RPH3AL: variants seen among roughly 807,000 people sequenced by gnomAD.
RPH3AL encodes the protein rabphilin 3A like (without C2 domains), also known as rab effector Noc2.
In RPH3AL, 38 loss-of-function variants were observed where a neutral mutation model predicts 43.1. That is an observed-to-expected ratio of 0.88 (90% CI 0.68 to 1.15). The LOEUF (loss-of-function observed/expected upper bound fraction) is 1.15, where lower values mean the gene tolerates loss of function less well. Among genes scored for constraint, RPH3AL ranks in the 50% most tolerant of loss-of-function variants. RPH3AL has a pLI of 0.00. For synonymous variants in RPH3AL, 189 were observed against 176.3 expected (o/e 1.07, Z -0.57); for missense variants, 462 against 423.2 (o/e 1.09, Z -0.81).
chr17:305,429 G>A (rs945729820), intron 5 of RPH3AL, among the ~76,000 whole-genome samples: 1 of 152,044 alleles, frequency 6.6e-6, no homozygotes, highest in African/African-American at 2.4e-5. Context: ...ACTCCACCCT[G>A]GAGGCCCAGC....
chr17:321,897 G>A (rs1598129063), intron 3 of RPH3AL, among the ~76,000 whole-genome samples: 3 of 152,238 alleles, frequency 2.0e-5, no homozygotes, highest in Admixed American at 1.3e-4. Flanking sequence ...AGAAGGCCAA[G>A]GTCACAGCAC....
chr17:307,233 CCA>C (rs1555568496), intron 5 of RPH3AL, among the ~76,000 whole-genome samples: 18 of 51,662 alleles, frequency 3.5e-4, no homozygotes, highest in East Asian at 2.0e-3. Context: ...CAGGTCCATC[CCA>C]CGGCAGGTCC....
intron 7 of RPH3AL, among the ~76,000 whole-genome samples, chr17:220,362 A>C (rs1377397590): frequency 2.7e-5 from 4 of 149,014 alleles, no homozygotes; most frequent in African/African-American, 9.9e-5. Flanking sequence ...AGACCCAAGC[A>C]CATCAGCTCT....
chr17:240,700 G>A (rs1215668400), intron 7 of RPH3AL, among the ~76,000 whole-genome samples: 1 of 152,144 alleles, frequency 6.6e-6, no homozygotes, highest in African/African-American at 2.4e-5. Context: ...GCTGATGGAC[G>A]TATGAGTTGT....
At chr17:258,629 G>C (rs12452527) in intron 6 of RPH3AL, among the ~76,000 whole-genome samples, 1 of 151,660 alleles carries the variant, frequency 6.6e-6, no homozygotes, top group Non-Finnish European at 1.5e-5. Flanking sequence ...GCAAAAATCC[G>C]TCTCCCACCC....
intron 6 of RPH3AL, among the ~76,000 whole-genome samples, chr17:262,501 A>C (rs978413482): frequency 6.7e-6 from 1 of 149,350 alleles, no homozygotes; most frequent in Non-Finnish European, 1.5e-5. Context: ...GGCGTGAGCC[A>C]CCGCACCCGG....
rs930870636 is a variant in RPH3AL at position 213,526 on chromosome 17, C to A, written c.*326G>T. ...CCACCGGGCGGCCCCTCTGACACTGCATGTGGGAAACCCCCCAGCCCAACC... is the reference window on the plus strand; with the variant it reads ...CCACCGGGCGGCCCCTCTGACACTGAATGTGGGAAACCCCCCAGCCCAACC... On this transcript the variant is annotated 3_prime_UTR_variant, in exon 10 of 10. Transcript: ENST00000331302. 13 of 458,154 alleles carry A rather than the reference C, an allele frequency of 2.8e-5. No homozygotes were observed. The Admixed American group carries it at 3.3e-4, about 12-fold the overall frequency. The allele number at this position is 458,154 out of a possible 1,614,324, so 28.4% of individuals were successfully genotyped here.
rs368959148 is a variant in RPH3AL at position 307,285 on chromosome 17, G to C, written c.351+12135C>G. Among the ~76,000 whole-genome samples the C allele has an allele frequency of 6.9e-5, 7 of 101,310 alleles. 1 individual carries two copies. Among genetic ancestry groups the C allele is most frequent in the African/African-American group, 3.1e-4 (7 of 22,926 alleles). 66.5% of individuals were successfully genotyped at this position (101,310 alleles called of 152,430 possible). A position where few individuals can be genotyped will look rare whatever the true frequency, so the allele number is the denominator to read the frequency against. On this transcript the variant is annotated intron_variant, in intron 5 of 9. Coordinates refer to ENST00000331302, the MANE Select transcript of RPH3AL (RefSeq NM_006987.4). ...CCATCCCACGGCAGGTCCATCCCGCGGCAGGTCCATCCCACGGCAGGTCCT... is the reference window on the plus strand; with the variant it reads ...CCATCCCACGGCAGGTCCATCCCGCCGCAGGTCCATCCCACGGCAGGTCCT...
At chr17:280,872 T>G (rs375541631) in intron 6 of RPH3AL, among the ~76,000 whole-genome samples, 1 of 152,142 alleles carries the variant, frequency 6.6e-6, no homozygotes, top group African/African-American at 2.4e-5. Context: ...TTCAAAGACA[T>G]CATGGCTGAG....
chr17:338,594 G>A (rs1435621207), intron 1 of RPH3AL: 1 of 152,216 alleles, frequency 6.6e-6, no homozygotes, highest in Non-Finnish European at 1.5e-5. Flanking sequence ...TCTCTGCCCA[G>A]AAAATGCCCA....
chr17:320,833 G>A (rs988839809), intron 4 of RPH3AL, among the ~76,000 whole-genome samples: 3 of 152,218 alleles, frequency 2.0e-5, no homozygotes, highest in East Asian at 1.9e-4. Context: ...AGCTGTGGTC[G>A]GCGCTGGAGG....
At chr17:338,268 C>A (rs995279102) in intron 1 of RPH3AL, among the ~76,000 whole-genome samples, 1 of 152,048 alleles carries the variant, frequency 6.6e-6, no homozygotes, top group Non-Finnish European at 1.5e-5. Context: ...TCGAGACCAG[C>A]CTGGGCAACA....
intron 7 of RPH3AL, among the ~76,000 whole-genome samples, chr17:221,981 C>T (rs1239867180): frequency 8.1e-6 from 1 of 122,752 alleles, no homozygotes; most frequent in Non-Finnish European, 1.7e-5. Context: ...TAGACCCAAG[C>T]GCATCAGCTC....
At chr17:247,410 C>G in intron 6 of RPH3AL, 125 bp from the exon 7 acceptor site, 1 of 962,268 alleles carries the variant, frequency 1.0e-6, no homozygotes, top group African/African-American at 1.7e-5. Flanking sequence ...GGAACTCTGG[C>G]TCTGCCCTCC....
At chr17:298,090 G>T (rs1376744319) in intron 5 of RPH3AL, among the ~76,000 whole-genome samples, 1 of 151,984 alleles carries the variant, frequency 6.6e-6, no homozygotes, top group East Asian at 1.9e-4. Context: ...CTCACACCTG[G>T]CAAACTTCTA....
chr17:253,334 G>A (rs1040222965), intron 6 of RPH3AL, among the ~76,000 whole-genome samples: 7 of 152,192 alleles, frequency 4.6e-5, no homozygotes, highest in Middle Eastern at 3.4e-3. Flanking sequence ...CATCTCTGTC[G>A]TGAGTCTTCA....
At chr17:272,633 A>G (rs1007994714) in intron 6 of RPH3AL, among the ~76,000 whole-genome samples, 1 of 147,968 alleles carries the variant, frequency 6.8e-6, no homozygotes, top group South Asian at 2.3e-4. Flanking sequence ...GAGGGATAGC[A>G]TTAGGAGATA....
rs1402307008 is a variant in RPH3AL at position 290,817 on chromosome 17, C to T, written c.352-8963G>A. 2.0e-5 allele frequency among the ~76,000 whole-genome samples: 3 copies of T among 152,192 alleles called. No homozygotes were observed. The highest frequency in any genetic ancestry group is 4.4e-5 in the Non-Finnish European group (3 of 68,022). ...AGACGCCGCCATCTCACAGCACCCG[C>T]GGTCTGGAGTCAGTCACTGGCAGCC... On this transcript the variant is annotated intron_variant, in intron 5 of 9. Coordinates refer to ENST00000331302, the MANE Select transcript of RPH3AL (RefSeq NM_006987.4). This position sits in a 1 kb window ranked among gnomAD's most constrained non-coding sequence, Gnocchi z 4.2.
At chr17:243,467 A>G (rs1371204509) in intron 7 of RPH3AL, among the ~76,000 whole-genome samples, 1 of 128,314 alleles carries the variant, frequency 7.8e-6, no homozygotes, top group African/African-American at 3.1e-5. Context: ...ACCTTCCTCT[A>G]TTGACTACCT....
Sources: gnomAD v4.1 joint callset for allele counts (sites outside exome capture counted in the v4.1 genomes callset) on GRCh38, gnomAD v4.1.1 for gene constraint, Gnocchi (gnomAD v3.1) non-coding constraint, MANE v1.5 for transcripts, NCBI Gene and HGNC (gene_info 2026-07-23, HGNC 2026-07-21) for gene names.